The following CDC42SE2 variants were observed in gnomAD, a reference collection of about 807,000 sequenced individuals.
CDC42SE2 encodes the protein CDC42 small effector protein 2.
CDC42SE2 carries 3 observed loss-of-function variants against 11.5 expected under a neutral mutation model. The ratio of observed to expected loss-of-function variants is 0.26; its 90% CI spans 0.12 to 0.67. The LOEUF is 0.67. Among genes scored for constraint, CDC42SE2 ranks in the 30% least tolerant of loss-of-function variants. CDC42SE2 has a pLI of 0.80. For missense variants in CDC42SE2, 82 were observed against 106.8 expected (o/e 0.77, Z 1.02); for synonymous variants, 33 against 34.8 (o/e 0.95, Z 0.18).
At chr5:131,374,972 C>A (rs896038243) in intron 3 of CDC42SE2, among the ~76,000 whole-genome samples, 4 of 150,852 alleles carry the variant, frequency 2.7e-5, no homozygotes, top group Non-Finnish European at 4.4e-5. Context: ...TTTTTAACAC[C>A]AATGATATTA....
chr5:131,326,370 T>G (rs1758302038), intron 2 of CDC42SE2, among the ~76,000 whole-genome samples: 1 of 152,232 alleles, frequency 6.6e-6, no homozygotes, highest in African/African-American at 2.4e-5. Flanking sequence ...AACCATCTTT[T>G]TGTCATTAAT....
chr5:131,376,016 ATTAG>A (rs1750141091), intron 3 of CDC42SE2, among the ~76,000 whole-genome samples: 1 of 152,108 alleles, frequency 6.6e-6, no homozygotes, highest in African/African-American at 2.4e-5. Context: ...AGGTGGGTGG[ATTAG>A]TTGAGGTCAG....
intron 1 of CDC42SE2, among the ~76,000 whole-genome samples, chr5:131,309,171 G>A (rs1028788734): frequency 1.2e-4 from 19 of 152,124 alleles, no homozygotes; most frequent in Non-Finnish European, 2.2e-4. Context: ...ATTGAATTTT[G>A]TCAAAGGCCT....
chr5:131,387,127 C>A (rs983570144), intron 4 of CDC42SE2, among the ~76,000 whole-genome samples: 1 of 152,056 alleles, frequency 6.6e-6, no homozygotes, highest in Non-Finnish European at 1.5e-5. Context: ...TAAATGAGGC[C>A]CTATTACTTT....
At chr5:131,331,805 C>G (rs1258434123) in intron 2 of CDC42SE2, among the ~76,000 whole-genome samples, 1 of 152,144 alleles carries the variant, frequency 6.6e-6, no homozygotes, top group East Asian at 1.9e-4. Context: ...ATGAAATCTT[C>G]CACATCATAA....
intron 3 of CDC42SE2, among the ~76,000 whole-genome samples, chr5:131,384,132 G>A (rs1750404266): frequency 6.6e-6 from 1 of 152,230 alleles, no homozygotes; most frequent in South Asian, 2.1e-4. Flanking sequence ...ACTTGGAGAT[G>A]GTCTAATGTC....
intron 1 of CDC42SE2, among the ~76,000 whole-genome samples, chr5:131,301,123 T>C (rs909479155): frequency 6.6e-6 from 1 of 152,174 alleles, no homozygotes; most frequent in African/African-American, 2.4e-5. Context: ...AATACTGTAT[T>C]GTACACTACC....
At chr5:131,286,385 GTTTTT>G (rs33983324) in intron 1 of CDC42SE2, among the ~76,000 whole-genome samples, 2 of 115,088 alleles carry the variant, frequency 1.7e-5, no homozygotes, top group African/African-American at 3.4e-5. Context: ...CACCTGGCCA[GTTTTT>G]TTTTTTTTTT....
At chr5:131,252,167 T>G (rs766385542) in intron 1 of CDC42SE2, among the ~76,000 whole-genome samples, 8 of 152,178 alleles carry the variant, frequency 5.3e-5, no homozygotes, top group Non-Finnish European at 1.0e-4. Context: ...GAATGAAGGT[T>G]ACAAGAAGCT....
At chr5:131,252,582 G>A (rs1341304400) in intron 1 of CDC42SE2, among the ~76,000 whole-genome samples, 3 of 152,200 alleles carry the variant, frequency 2.0e-5, no homozygotes, top group Non-Finnish European at 4.4e-5. Flanking sequence ...CTTGAACCAG[G>A]GAGGTGGAGG....
chr5:131,389,379 C>T lies in CDC42SE2; in HGVS notation c.157-1614C>T, dbSNP rs970513537. On this transcript the variant is annotated intron_variant, in intron 4 of 4. Coordinates refer to ENST00000505065, the MANE Select transcript of CDC42SE2 (RefSeq NM_001375635.1). ...ATATAGATTTCTTCTTACACTCTTA[C>T]CTGAAGGTAGTCATTTTATTAATCT... Among the ~76,000 whole-genome samples, 17 of 152,256 alleles carry T rather than the reference C, an allele frequency of 1.1e-4. No individual in the cohort carries two copies. In the South Asian group the frequency reaches 3.1e-3, roughly 28 times the overall value.
chr5:131,225,836 CA>C, the CDC42SE2 span, among the ~76,000 whole-genome samples: 3 of 149,544 alleles, frequency 2.0e-5, no homozygotes, highest in African/African-American at 2.5e-5. Context: ...CTAAACACAC[CA>C]AAAAAAAAGG....
intron 2 of CDC42SE2, among the ~76,000 whole-genome samples, chr5:131,350,080 A>T (rs1019547019): frequency 1.1e-4 from 16 of 152,182 alleles, no homozygotes; most frequent in East Asian, 3.9e-4. Flanking sequence ...AGATATATTT[A>T]AAAAAATCAA....
chr5:131,230,135 C>T, the CDC42SE2 span, among the ~76,000 whole-genome samples: 1 of 151,734 alleles, frequency 6.6e-6, no homozygotes, highest in Non-Finnish European at 1.5e-5. Context: ...TGCTGAGCAT[C>T]CTACTTGTTC....
chr5:131,362,620 A>G (rs1184045222), intron 3 of CDC42SE2, among the ~76,000 whole-genome samples: 7 of 152,170 alleles, frequency 4.6e-5, no homozygotes, highest in African/African-American at 1.7e-4. Flanking sequence ...ACAACCCAAT[A>G]TTGGGAAGAA....
chr5:131,247,176 A>G (rs1269218642), intron 1 of CDC42SE2, among the ~76,000 whole-genome samples: 4 of 152,160 alleles, frequency 2.6e-5, no homozygotes, highest in African/African-American at 9.7e-5. Flanking sequence ...TATTTTTGCA[A>G]AAACACTAAA....
chr5:131,298,363 C>T (rs574837728), intron 1 of CDC42SE2, among the ~76,000 whole-genome samples: 29 of 151,942 alleles, frequency 1.9e-4, no homozygotes, highest in Admixed American at 3.3e-4. Flanking sequence ...CTCAGGTGAT[C>T]CACCCGCCTT....
chr5:131,286,118 G>T (rs1757334891), intron 1 of CDC42SE2, among the ~76,000 whole-genome samples: 1 of 147,694 alleles, frequency 6.8e-6, no homozygotes, highest in Admixed American at 6.9e-5. Flanking sequence ...GCAGTGACAT[G>T]ATCTTGGCTC....
chr5:131,340,260 C>T (rs1170593284), intron 2 of CDC42SE2, among the ~76,000 whole-genome samples: 2 of 152,194 alleles, frequency 1.3e-5, no homozygotes, highest in Non-Finnish European at 2.9e-5. Context: ...ATTCATAACT[C>T]TTAAATTGCA....
Sources: allele counts gnomAD v4.1 joint callset (sites outside exome capture counted in the v4.1 genomes callset), GRCh38; gene constraint gnomAD v4.1.1; transcripts MANE v1.5; gene names NCBI Gene and HGNC (gene_info 2026-07-23, HGNC 2026-07-21).